GLIS3: variants seen among roughly 807,000 people sequenced by gnomAD.
The protein encoded by GLIS3 is GLIS family zinc finger 3.
In GLIS3, 53 loss-of-function variants were observed where a neutral mutation model predicts 78.6. The observed-to-expected ratio is 0.67, with a 90% CI of 0.54 to 0.85. The LOEUF is 0.85. Ranked by LOEUF, GLIS3 falls within the 40% of genes least tolerant of loss-of-function variation. The pLI is 0.00. For synonymous variants in GLIS3, 684 were observed against 509.9 expected, an observed-to-expected ratio of 1.34 and a Z score of -4.60; for missense variants, 1,703 against 1,231.1, an observed-to-expected ratio of 1.38 and a Z score of -5.74.
chr9:4,089,693 C>A (rs1357736950), intron 4 of GLIS3, among the ~76,000 whole-genome samples: 1 of 152,008 alleles, frequency 6.6e-6, no homozygotes. Flanking sequence ...GTGGTGTATA[C>A]ATGTAATCTC....
the GLIS3 span, among the ~76,000 whole-genome samples, chr9:4,430,395 G>A: frequency 6.6e-6 from 1 of 152,190 alleles, no homozygotes; most frequent in Non-Finnish European, 1.5e-5. Flanking sequence ...ATACCATTTT[G>A]CAGCTCCCCG....
chr9:3,863,598 AAT>A (rs2130318200), intron 8 of GLIS3, among the ~76,000 whole-genome samples: 1 of 152,344 alleles, frequency 6.6e-6, no homozygotes, highest in South Asian at 2.1e-4. Context: ...AGGACTCAAA[AAT>A]GATGGCCTGA....
intron 2 of GLIS3, among the ~76,000 whole-genome samples, chr9:4,186,417 G>C (rs1414482093): frequency 1.3e-5 from 2 of 151,888 alleles, no homozygotes; most frequent in Non-Finnish European, 1.5e-5. Context: ...ATTTGGGTTG[G>C]TTGCAAGTCT....
intron 6 of GLIS3, among the ~76,000 whole-genome samples, chr9:3,906,920 C>CT (rs1243776441): frequency 2.0e-5 from 3 of 152,224 alleles, no homozygotes; most frequent in African/African-American, 4.8e-5. Context: ...ACTATTCATT[C>CT]TTCCTGCCCG....
intron 4 of GLIS3, among the ~76,000 whole-genome samples, chr9:3,951,197 TGAC>T: frequency 6.6e-6 from 1 of 152,254 alleles, no homozygotes; most frequent in African/African-American, 2.4e-5. Flanking sequence ...CAGCAATAAG[TGAC>T]AACAGGTCTT....
intron 2 of GLIS3, among the ~76,000 whole-genome samples, chr9:4,218,570 G>A (rs1034960640): frequency 3.9e-5 from 6 of 152,176 alleles, no homozygotes; most frequent in Non-Finnish European, 8.8e-5. Flanking sequence ...GAGCCACCGC[G>A]CCCGGCCTTG....
intron 4 of GLIS3, among the ~76,000 whole-genome samples, chr9:4,053,470 T>G (rs1225510576): frequency 3.9e-5 from 6 of 152,086 alleles, no homozygotes. Flanking sequence ...AATTATTTAA[T>G]CATTCACTAG....
intron 2 of GLIS3, among the ~76,000 whole-genome samples, chr9:4,205,901 T>C (rs191696934): frequency 1.3e-5 from 2 of 152,318 alleles, no homozygotes; most frequent in African/African-American, 4.8e-5. Context: ...AAGAAAACTG[T>C]TTAGGCTGCA....
intron 4 of GLIS3, among the ~76,000 whole-genome samples, chr9:3,974,957 AG>A (rs531669019): frequency 8.7e-4 from 133 of 152,258 alleles, no homozygotes; most frequent in Non-Finnish European, 1.6e-3. Context: ...AAACGTGATA[AG>A]GCACATGGAG....
At chr9:4,361,486 G>T in the GLIS3 span, among the ~76,000 whole-genome samples, 1 of 152,168 alleles carries the variant, frequency 6.6e-6, no homozygotes, top group East Asian at 1.9e-4. Flanking sequence ...GGTTGACCCC[G>T]TTCCCTTCCA....
intron 3 of GLIS3, among the ~76,000 whole-genome samples, chr9:4,124,059 C>A (rs540553762): frequency 9.1e-4 from 138 of 152,010 alleles, no homozygotes; most frequent in Non-Finnish European, 1.6e-3. Flanking sequence ...GAACTGTTGC[C>A]CCTTATTCTT....
At chr9:3,907,605 AACACACACACACACACACAGACACAC>A (rs1305932164) in intron 6 of GLIS3, among the ~76,000 whole-genome samples, 9 of 92,316 alleles carry the variant, frequency 9.7e-5, no homozygotes, top group South Asian at 8.7e-4. Flanking sequence ...CCACCCCCCA[AACACACACACACACACACAGACACAC>A]ACACACACAC....
At chr9:4,326,563 T>TA (rs34826145) in intron 2 of GLIS3, among the ~76,000 whole-genome samples, 32,900 of 152,122 alleles carry the variant, frequency 0.22, 4,299 homozygotes, top group Middle Eastern at 0.37. Context: ...GGTTATTTTT[T>TA]ATAGGTACAG....
chr9:4,140,309 G>C (rs1431570739), intron 2 of GLIS3, among the ~76,000 whole-genome samples: 1 of 152,100 alleles, frequency 6.6e-6, no homozygotes, highest in Non-Finnish European at 1.5e-5. Context: ...GGGTGACAAA[G>C]TGAGACCCTG....
At chr9:4,355,077 G>A in the GLIS3 span, among the ~76,000 whole-genome samples, 1 of 149,154 alleles carries the variant, frequency 6.7e-6, no homozygotes, top group South Asian at 2.1e-4. Context: ...GTTGCAGTGA[G>A]CCGAGATCAC....
chr9:3,986,085 T>C lies in GLIS3; in HGVS notation c.1711-48896A>G, dbSNP rs569767736. ...CTTCTTTAGTTAAATTACAGAATAA[T>C]TTGTGGAAAATTAAAACTACAAAAT... On this transcript the variant is annotated intron_variant, in intron 4 of 10. Coordinates refer to ENST00000381971, the MANE Select transcript of GLIS3 (RefSeq NM_001042413.2). Among the ~76,000 whole-genome samples the C allele has an allele frequency of 3.3e-5, 5 of 152,316 alleles. No individual in the cohort carries two copies. The East Asian group carries it at 9.6e-4, about 29-fold the overall frequency.
At chr9:4,238,228 G>A (rs905735835) in intron 2 of GLIS3, among the ~76,000 whole-genome samples, 1 of 152,158 alleles carries the variant, frequency 6.6e-6, no homozygotes, top group Non-Finnish European at 1.5e-5. Context: ...GTGGCTAAAA[G>A]GAAGGCCAAA....
chr9:4,211,154 C>G (rs572152853), intron 2 of GLIS3, among the ~76,000 whole-genome samples: 7 of 152,318 alleles, frequency 4.6e-5, no homozygotes, highest in African/African-American at 1.7e-4. Context: ...TGGTAAGTAA[C>G]CAGTAATAAC....
chr9:4,467,756 A>G, the GLIS3 span, among the ~76,000 whole-genome samples: 1 of 152,234 alleles, frequency 6.6e-6, no homozygotes, highest in Admixed American at 6.5e-5. Flanking sequence ...GCTCCTCGCC[A>G]TCAATGGAAC....
Sources: gnomAD v4.1 joint callset for allele counts (sites outside exome capture counted in the v4.1 genomes callset) on GRCh38, gnomAD v4.1.1 for gene constraint, MANE v1.5 for transcripts, NCBI Gene and HGNC (gene_info 2026-07-23, HGNC 2026-07-21) for gene names.